The following CAMK1D variants were observed in gnomAD, a reference collection of about 807,000 sequenced individuals.
CAMK1D encodes calcium/calmodulin-dependent protein kinase type 1D.
Under a neutral mutation model 47.7 loss-of-function variants are expected in CAMK1D, and 9 were observed. That is an observed-to-expected ratio of 0.19 (90% CI 0.11 to 0.33). The LOEUF (loss-of-function observed/expected upper bound fraction) is 0.33, where lower values mean the gene tolerates loss of function less well. CAMK1D is among the 10% of genes least tolerant of loss of function. The pLI is 1.00. For missense variants in CAMK1D, 291 were observed against 488.7 expected (o/e 0.60, Z 3.81); for synonymous variants, 184 against 184.9 (o/e 0.99, Z 0.04).
At chr10:12,669,959 C>A in intron 3 of CAMK1D, among the ~76,000 whole-genome samples, 1 of 151,842 alleles carries the variant, frequency 6.6e-6, no homozygotes, top group Non-Finnish European at 1.5e-5. Context: ...GCCCAGTTGG[C>A]GGACTCTATC....
intron 1 of CAMK1D, among the ~76,000 whole-genome samples, chr10:12,362,266 C>T (rs891668365): frequency 1.3e-5 from 2 of 152,106 alleles, no homozygotes; most frequent in African/African-American, 4.8e-5. Context: ...CCTCCCTGAC[C>T]TTCTGATACA....
chr10:12,656,859 T>C (rs1405274887), intron 2 of CAMK1D, among the ~76,000 whole-genome samples: 2 of 152,220 alleles, frequency 1.3e-5, no homozygotes, highest in Non-Finnish European at 2.9e-5. Context: ...TACATTTTTT[T>C]TACATAAACA....
rs747349939 is a variant in CAMK1D at position 12,397,750 on chromosome 10, G to A, written c.92+47840G>A. Among the ~76,000 whole-genome samples, 130 of 152,208 alleles carry A rather than the reference G, an allele frequency of 8.5e-4. 1 individual carries two copies. Among genetic ancestry groups the A allele is most frequent in the Non-Finnish European group, 1.5e-3 (104 of 68,046 alleles). On this transcript the variant is annotated intron_variant, in intron 1 of 10. Transcript: ENST00000619168. Reference sequence around the variant, plus strand: ...TTAGAGCCAAGGTAGTAGGAAAAATGTTGGCCTAAAGATGTGTTTAGTTTG... The same window carrying A: ...TTAGAGCCAAGGTAGTAGGAAAAATATTGGCCTAAAGATGTGTTTAGTTTG...
chr10:12,541,813 C>T (rs779036170), intron 1 of CAMK1D, among the ~76,000 whole-genome samples: 3 of 148,250 alleles, frequency 2.0e-5, no homozygotes, highest in Non-Finnish European at 4.5e-5. Flanking sequence ...AAGCCAAGTA[C>T]CACTGACTTC....
chr10:12,421,890 C>T (rs543447251), intron 1 of CAMK1D, among the ~76,000 whole-genome samples: 2 of 150,996 alleles, frequency 1.3e-5, no homozygotes, highest in South Asian at 4.2e-4. Context: ...GATCTTGGCT[C>T]ACTGCAGCCT....
chr10:12,816,034 C>T (rs574673532), intron 7 of CAMK1D, among the ~76,000 whole-genome samples: 1 of 152,254 alleles, frequency 6.6e-6, no homozygotes, highest in South Asian at 2.1e-4. Context: ...GGTCCCAGGC[C>T]ACCTCCTCAC....
intron 1 of CAMK1D, among the ~76,000 whole-genome samples, chr10:12,366,498 T>A (rs373969553): frequency 0.016 from 2,339 of 146,758 alleles, 56 homozygotes; most frequent in African/African-American, 0.048. Flanking sequence ...CTACTAAAAA[T>A]AAAAAAAAAA....
chr10:12,578,982 C>G (rs185010097), intron 2 of CAMK1D, among the ~76,000 whole-genome samples: 1 of 152,178 alleles, frequency 6.6e-6, no homozygotes, highest in Middle Eastern at 3.4e-3. Context: ...CCCAGAGGCA[C>G]GAGCAGAAGA....
At chr10:12,537,397 A>G (rs185640662) in intron 1 of CAMK1D, among the ~76,000 whole-genome samples, 1 of 152,336 alleles carries the variant, frequency 6.6e-6, no homozygotes, top group African/African-American at 2.4e-5. Flanking sequence ...TATAGAATAG[A>G]GTTCTTAAAA....
intron 6 of CAMK1D, among the ~76,000 whole-genome samples, chr10:12,810,391 A>G (rs575983695): frequency 6.6e-6 from 1 of 150,666 alleles, no homozygotes; most frequent in South Asian, 2.1e-4. Flanking sequence ...TCTCCTGCCT[A>G]AGCCTCCCGT....
chr10:12,659,778 A>C (rs1840221962), intron 2 of CAMK1D, among the ~76,000 whole-genome samples: 1 of 152,200 alleles, frequency 6.6e-6, no homozygotes, highest in Non-Finnish European at 1.5e-5. Context: ...TGTGTGAATA[A>C]AATTTCAGCT....
chr10:12,472,480 T>C (rs1833776426), intron 1 of CAMK1D, among the ~76,000 whole-genome samples: 1 of 126,346 alleles, frequency 7.9e-6, no homozygotes, highest in African/African-American at 3.0e-5. Context: ...CCTTCATCCC[T>C]AGTCACTGTC....
At chr10:12,492,427 G>GTGGGAGGATC (rs1251437471) in intron 1 of CAMK1D, among the ~76,000 whole-genome samples, 1 of 151,920 alleles carries the variant, frequency 6.6e-6, no homozygotes, top group Non-Finnish European at 1.5e-5. Flanking sequence ...GGAAGCTGAT[G>GTGGGAGGATC]TGGGAGGATC....
chr10:12,638,934 A>G (rs1364867593), intron 2 of CAMK1D, among the ~76,000 whole-genome samples: 1 of 152,130 alleles, frequency 6.6e-6, no homozygotes, highest in East Asian at 1.9e-4. Context: ...TGTCACAGTC[A>G]GCGGTGGCTC....
At chr10:12,555,109 A>C (rs2296754) in intron 2 of CAMK1D, among the ~76,000 whole-genome samples, 48,256 of 152,160 alleles carry the variant, frequency 0.32, 8,586 homozygotes, top group Non-Finnish European at 0.4. Flanking sequence ...AGCACATAGC[A>C]AGAATCTCTG....
At chr10:12,434,239 G>A (rs1265812793) in intron 1 of CAMK1D, among the ~76,000 whole-genome samples, 1 of 152,174 alleles carries the variant, frequency 6.6e-6, no homozygotes, top group Non-Finnish European at 1.5e-5. Flanking sequence ...ATTTCTAATT[G>A]TGACTGGGTA....
chr10:12,632,576 G>T (rs1839410674), intron 2 of CAMK1D, among the ~76,000 whole-genome samples: 2 of 152,194 alleles, frequency 1.3e-5, no homozygotes, highest in Admixed American at 1.3e-4. Flanking sequence ...AGAAGCCTGG[G>T]GTAAATAAGT....
At chr10:12,452,000 C>G (rs556368996) in intron 1 of CAMK1D, among the ~76,000 whole-genome samples, 1 of 152,060 alleles carries the variant, frequency 6.6e-6, no homozygotes, top group Non-Finnish European at 1.5e-5. Context: ...GGCCAATAGC[C>G]CCTTAATTGA....
chr10:12,561,166 C>G (rs552110798), intron 2 of CAMK1D, among the ~76,000 whole-genome samples: 2 of 152,240 alleles, frequency 1.3e-5, no homozygotes, highest in South Asian at 4.1e-4. Flanking sequence ...ATCTGCCTGC[C>G]TTGGCCTCCC....
Sources: allele counts gnomAD v4.1 joint callset (sites outside exome capture counted in the v4.1 genomes callset), GRCh38; gene constraint gnomAD v4.1.1; transcripts MANE v1.5; gene names NCBI Gene and HGNC (gene_info 2026-07-23, HGNC 2026-07-21).